SERPINB4: variants seen among roughly 807,000 people sequenced by gnomAD.
The protein encoded by SERPINB4 is serpin family B member 4, also known as serpin B4.
In SERPINB4, 39 loss-of-function variants were observed where a neutral mutation model predicts 33.2. The observed-to-expected ratio is 1.18, with a 90% CI of 0.91 to 1.53. SERPINB4 has a LOEUF of 1.53. SERPINB4 is among the 40% of genes most tolerant of loss of function. The pLI, the probability that SERPINB4 is intolerant of heterozygous loss-of-function variation, is 0.00. For missense variants in SERPINB4, 564 were observed against 455.4 expected (o/e 1.24, Z -2.17); for synonymous variants, 191 against 166.4 (o/e 1.15, Z -1.14).
In SERPINB4 at chr18:63,639,323, T is replaced by G; in HGVS notation, c.630A>C (p.Val210=). 1 of 1,609,406 alleles carries G rather than the reference T, an allele frequency of 6.2e-7. No individual in the cohort carries two copies. The highest frequency in any genetic ancestry group is 1.3e-5 in the African/African-American group (1 of 74,922). The part of the protein sequence containing the change: ...FWPNKNTYKS[V]QMMRQYNSFN... ...AGGAATTGTATTGCCTCATCATCTG[T>G]ACAGATTTGTATGTATTCTGCAATA... is the stretch of plus-strand genomic sequence containing the variant. The change falls in exon 7 of 8, where the codon GTA becomes GTC. Residue 210 remains valine, a synonymous_variant. Coordinates refer to ENST00000341074, the MANE Select transcript of SERPINB4 (RefSeq NM_002974.4).
intron 5 of SERPINB4, 71 bp downstream of exon 5, chr18:63,640,803 T>C (rs1913100501): frequency 3.1e-6 from 4 of 1,297,766 alleles, no homozygotes; most frequent in Admixed American, 1.7e-5. Context: ...TGTTCCCCCA[T>C]GCAGTGTCAA....
At chr18:63,640,114 T>C (rs955596580) in intron 5 of SERPINB4, among the ~76,000 whole-genome samples, 3 of 152,066 alleles carry the variant, frequency 2.0e-5, no homozygotes, top group Admixed American at 1.3e-4. Context: ...GTCTTTCCTT[T>C]CTCCCTCCCT....
intron 7 of SERPINB4, 77 bp from the exon 8 acceptor site, chr18:63,638,200 G>A: frequency 2.0e-6 from 3 of 1,490,822 alleles, no homozygotes; most frequent in East Asian, 4.6e-5. Flanking sequence ...TTGACTATGT[G>A]GAGATTCGTT....
intron 5 of SERPINB4, among the ~76,000 whole-genome samples, chr18:63,640,479 T>C (rs891463371): frequency 1.3e-5 from 2 of 152,078 alleles, no homozygotes; most frequent in Admixed American, 1.3e-4. Flanking sequence ...AGAGAGCTGC[T>C]TGTTTCCCAA....
chr18:63,641,918 A>G (rs1283813738), intron 3 of SERPINB4, 30 bp from the exon 4 acceptor site: 9 of 1,610,956 alleles, frequency 5.6e-6, no homozygotes, highest in Non-Finnish European at 6.8e-6. Flanking sequence ...AGATCATTCA[A>G]TTGCTGTATC....
rs1264394468 is a variant in SERPINB4 at position 63,637,798 on chromosome 18, C to T, written c.1094G>A (p.Cys365Tyr). Residue 365 changes from cysteine to tyrosine, a missense_variant, in exon 8 of 8, where the codon TGT becomes TAT. Coordinates refer to ENST00000341074, the MANE Select transcript of SERPINB4 (RefSeq NM_002974.4). ...TATGAAGAATAGGAAAGGGTGATTACAACAGAACTCTTCATTAGTTGAAGG... is the reference window on the plus strand; with the variant it reads ...TATGAAGAATAGGAAAGGGTGATTATAACAGAACTCTTCATTAGTTGAAGG... Reference protein sequence around the residue: ...SSPSTNEEFCCNHPFLFFIRQ... With the variant: ...SSPSTNEEFCYNHPFLFFIRQ... 6.2e-7 allele frequency: 1 copy of T among 1,613,496 alleles called. No individual in the cohort carries two copies. Among genetic ancestry groups the T allele is most frequent in the Non-Finnish European group, 8.5e-7 (1 of 1,179,676 alleles).
chr18:63,640,778 C>G, intron 5 of SERPINB4, 96 bp downstream of exon 5: 1 of 1,056,222 alleles, frequency 9.5e-7, no homozygotes, highest in African/African-American at 1.6e-5. Flanking sequence ...GCAAACCCAT[C>G]TCAATCCCCA....
chr18:63,643,952 T>C (rs1280288356), intron 1 of SERPINB4, among the ~76,000 whole-genome samples: 2 of 151,804 alleles, frequency 1.3e-5, no homozygotes, highest in African/African-American at 4.8e-5. Flanking sequence ...TTAAGATGCG[T>C]CCCTGACATC....
At position 63,641,644 on chromosome 18, in the gene SERPINB4, T is replaced by TA. The variant is rs1913133814; in HGVS notation, c.351+115dup. On this transcript the variant is annotated intron_variant, in intron 4 of 7. Transcript: ENST00000341074. Reference sequence around the variant, plus strand: ...GGAAATGGAGCTAATGCACTCTGAGTAAATGCTCTCCACCTGAGTCGGCCA... The same window carrying TA: ...GGAAATGGAGCTAATGCACTCTGAGTAAAATGCTCTCCACCTGAGTCGGCCA... 1.6e-5 allele frequency: 24 copies of TA among 1,511,804 alleles called. No homozygotes were observed. The South Asian group carries it at 2.4e-4, about 15-fold the overall frequency. 93.6% of individuals were successfully genotyped at this position (1,511,804 alleles called of 1,614,324 possible). A position where few individuals can be genotyped will look rare whatever the true frequency, so the allele number is the denominator to read the frequency against.
chr18:63,643,280 C>T (rs549295246), intron 2 of SERPINB4, 63 bp from the exon 3 acceptor site: 1 of 1,612,194 alleles, frequency 6.2e-7, no homozygotes, highest in African/African-American at 1.3e-5. Flanking sequence ...AGTCAGTGGT[C>T]TCACAGTTAT....
In SERPINB4 at chr18:63,643,181, C is replaced by A. The variant is rs1474664302; in HGVS notation, c.202G>T (p.Glu68Ter). 1 of 1,613,236 alleles carries A rather than the reference C, an allele frequency of 6.2e-7. No homozygotes were observed. The highest frequency in any genetic ancestry group is 1.7e-5 in the Admixed American group (1 of 59,876). Residue 68 changes from glutamate to a stop codon, truncating the protein, a stop_gained, in exon 3 of 8, where the codon GAA (glutamate) becomes TAA (stop). Coordinates refer to ENST00000341074, the MANE Select transcript of SERPINB4 (RefSeq NM_002974.4). LOFTEE classifies it high-confidence loss of function. ...HFDQVTENTTEKAATYHVDRS... is the reference protein window; with the variant it reads ...HFDQVTENTT The stretch of plus-strand genomic sequence containing the variant: ...CTCACATGATATGTTGCAGCTTTTT[C>A]TGTGGTGTTCTCTGTGACTTGATCA...
At chr18:63,640,129 T>C (rs986116743) in intron 5 of SERPINB4, among the ~76,000 whole-genome samples, 2 of 152,048 alleles carry the variant, frequency 1.3e-5, no homozygotes, top group African/African-American at 4.8e-5. Flanking sequence ...CTCCCTCCTC[T>C]TCCTACTTTT....
At chr18:63,638,798 C>A (rs1321554769) in intron 7 of SERPINB4, among the ~76,000 whole-genome samples, 1 of 115,586 alleles carries the variant, frequency 8.7e-6, no homozygotes, top group Non-Finnish European at 1.6e-5. Flanking sequence ...ACATCACACT[C>A]TGAGGACTGT....
intron 2 of SERPINB4, 97 bp from the exon 3 acceptor site, chr18:63,643,314 T>A (rs1281368582): frequency 6.2e-7 from 1 of 1,610,278 alleles, no homozygotes; most frequent in Non-Finnish European, 8.5e-7. Flanking sequence ...CAGCCCCCTG[T>A]GCTACCCATC....
At position 63,637,976 on chromosome 18, in the gene SERPINB4, T is replaced by C. The variant is rs199573595; in HGVS notation, c.916A>G (p.Asn306Asp). The change falls in exon 8 of 8, where the codon AAT becomes GAT. Residue 306 changes from asparagine to aspartate, a missense_variant. Coordinates refer to ENST00000341074, the MANE Select transcript of SERPINB4 (RefSeq NM_002974.4). ...KDTLRTMGMV[N>D]IFNGDADLSG... is the part of the protein sequence containing the mutation. ...AGGTCTGCATCCCCATTGAAGATAT[T>C]CACCATTCCCATGGTTCTCAACGTG... The C allele has an allele frequency of 5.0e-5, 80 of 1,613,534 alleles. No homozygotes were observed. The highest frequency in any genetic ancestry group is 3.3e-4 in the Middle Eastern group (2 of 6,078).
Position 63,643,489 on chromosome 18 carries a change from G to A in SERPINB4, c.89C>T (p.Ser30Phe), listed in dbSNP as rs1913210119. 8.1e-6 allele frequency: 13 copies of A among 1,613,748 alleles called. No homozygotes were observed. The highest frequency in any genetic ancestry group is 1.1e-5 in the Non-Finnish European group (13 of 1,179,758). The change falls in exon 2 of 8, where the codon TCC (serine) becomes TTC (phenylalanine). Residue 30 changes from serine to phenylalanine, a missense_variant. Physicochemically the swap from Ser to Phe is radical, Grantham distance 155. Coordinates refer to ENST00000341074, the MANE Select transcript of SERPINB4 (RefSeq NM_002974.4). ...RKSKENNIFY[S>F]PISITSALGM... is the part of the protein sequence containing the mutation. The stretch of plus-strand genomic sequence containing the variant: ...TAATGCTGATGTGATGCTGATAGGG[G>A]AATAGAAGATGTTGTTCTCTTTTGA...
Position 63,643,469 on chromosome 18 carries a change from C to G in SERPINB4, c.109G>C (p.Ala37Pro), listed in dbSNP as rs774195342. 7.4e-6 allele frequency: 12 copies of G among 1,613,708 alleles called. No individual in the cohort carries two copies. The South Asian group carries it at 1.1e-4, about 15-fold the overall frequency. Residue 37 changes from alanine (A) to proline (P), a missense_variant, in exon 2 of 8, where the codon GCA becomes CCA. Physicochemically the swap from Ala to Pro is conservative, Grantham distance 27. Coordinates refer to ENST00000341074, the MANE Select transcript of SERPINB4 (RefSeq NM_002974.4). The part of the protein sequence containing the change: ...IFYSPISITS[A>P]LGMVLLGAKD... The stretch of plus-strand genomic sequence containing the variant: ...GCTCCTAAGAGGACCATCCCTAATG[C>G]TGATGTGATGCTGATAGGGGAATAG...
chr18:63,638,004 C>A lies in SERPINB4; in HGVS notation c.888G>T (p.Lys296Asn), dbSNP rs1241467665. ...CCATTCCCATGGTTCTCAACGTGTC[C>A]TTGAGGTCATAGCTCTCTTCCATTT... ...RFKMEESYDL[K>N]DTLRTMGMVN... Residue 296 changes from lysine to asparagine, a missense_variant, in exon 8 of 8, where the codon AAG becomes AAT. Coordinates refer to ENST00000341074, the MANE Select transcript of SERPINB4 (RefSeq NM_002974.4). The A allele has an allele frequency of 4.3e-6, 7 of 1,613,614 alleles. No homozygotes were observed. The highest frequency in any genetic ancestry group is 3.3e-5 in the Admixed American group (2 of 59,866).
intron 7 of SERPINB4, among the ~76,000 whole-genome samples, chr18:63,638,359 C>A (rs758963956): frequency 6.6e-6 from 1 of 151,430 alleles, no homozygotes; most frequent in Non-Finnish European, 1.5e-5. Context: ...CATGTTTTTA[C>A]GTATATGTAT....
Sources: allele counts gnomAD v4.1 joint callset (sites outside exome capture counted in the v4.1 genomes callset), GRCh38; gene constraint gnomAD v4.1.1; transcripts MANE v1.5; gene names NCBI Gene and HGNC (gene_info 2026-07-23, HGNC 2026-07-21).